NRDE2: variants seen among roughly 807,000 people sequenced by gnomAD.
NRDE2 encodes the protein nuclear exosome regulator NRDE2.
A neutral mutation model predicts 124.2 loss-of-function variants in NRDE2; 76 were observed. The observed-to-expected ratio is 0.61, with a 90% CI of 0.51 to 0.74. The LOEUF is 0.74. Ranked by LOEUF, NRDE2 falls within the 30% of genes least tolerant of loss-of-function variation. NRDE2 has a pLI of 0.00. For synonymous variants in NRDE2, 489 were observed against 528.1 expected (o/e 0.93, Z 1.01); for missense variants, 1,314 against 1,417.3 (o/e 0.93, Z 1.17).
chr14:90,303,966 G>T lies in NRDE2; in HGVS notation c.974C>A (p.Thr325Lys). Residue 325 changes from threonine (T) to lysine (K), a missense_variant, in exon 5 of 14, where the codon ACG (threonine) becomes AAG (lysine). Coordinates refer to ENST00000354366, the MANE Select transcript of NRDE2 (RefSeq NM_017970.4). ...AGCAACAAATGCCATCCACAGCTGC[G>T]TATCCCGAGGATTCTCCCGCACCCT... ...NRRVRENPRD[T>K]QLWMAFVAFQ... 1 of 1,612,842 alleles carries T rather than the reference G, an allele frequency of 6.2e-7. No individual in the cohort carries two copies. The highest frequency in any genetic ancestry group is 1.1e-5 in the South Asian group (1 of 90,994).
At chr14:90,308,248 G>A (rs1017373355) in intron 4 of NRDE2, among the ~76,000 whole-genome samples, 14 of 152,086 alleles carry the variant, frequency 9.2e-5, no homozygotes, top group Non-Finnish European at 1.9e-4. Flanking sequence ...CAGTATATTA[G>A]TCTTAAGGAA....
In NRDE2 at chr14:90,304,387, T is replaced by A; in HGVS notation, c.558-5A>T. 1 of 1,576,872 alleles carries A rather than the reference T, an allele frequency of 6.3e-7. No homozygotes were observed. The highest frequency in any genetic ancestry group is 1.4e-5 in the African/African-American group (1 of 73,188). On this transcript the variant is annotated splice_polypyrimidine_tract_variant and splice_region_variant and intron_variant, in intron 4 of 13. Transcript: ENST00000354366. The stretch of plus-strand genomic sequence containing the variant: ...GAGTCTCCTTTCCTCTTGTATCTGA[T>A]ATTAGAAAAAGAAAAAAAGTTACTG...
At chr14:90,304,406 G>A (rs763486507) in intron 4 of NRDE2, 24 bp from the exon 5 acceptor site, 3 of 1,537,156 alleles carry the variant, frequency 2.0e-6, no homozygotes, top group South Asian at 1.2e-5. Flanking sequence ...AAGAAAAAAA[G>A]TTACTGAGGG....
intron 12 of NRDE2, among the ~76,000 whole-genome samples, chr14:90,286,108 T>C (rs1892094798): frequency 6.6e-6 from 1 of 152,200 alleles, no homozygotes; most frequent in Admixed American, 6.5e-5. Flanking sequence ...CAGTAACTAC[T>C]CAACTTCGTT....
chr14:90,302,740 C>T lies in NRDE2; in HGVS notation c.1391G>A (p.Gly464Asp), dbSNP rs749019994. The stretch of plus-strand genomic sequence containing the variant: ...CTTACCAAACATGGCCTCTTCCGTG[C>T]CAGGCAACGCAGGGTGAGATAAGAT... ...GSILSHPALP[G>D]TEEAMFALFL... The change falls in exon 6 of 14, where the codon GGC (glycine) becomes GAC (aspartate). Residue 464 changes from glycine (G) to aspartate (D), a missense_variant. By Grantham distance (94) the Gly-to-Asp change is moderately conservative (BLOSUM62 -1). Coordinates refer to ENST00000354366, the MANE Select transcript of NRDE2 (RefSeq NM_017970.4). 5 of 1,609,876 alleles carry T rather than the reference C, an allele frequency of 3.1e-6. No homozygotes were observed. Among genetic ancestry groups the T allele is most frequent in the Non-Finnish European group, 4.2e-6 (5 of 1,177,538 alleles).
intron 1 of NRDE2, among the ~76,000 whole-genome samples, chr14:90,323,651 T>G (rs1217647199): frequency 6.6e-6 from 1 of 152,192 alleles, no homozygotes; most frequent in East Asian, 1.9e-4. Context: ...GAGAACTGCA[T>G]TTAAGATGAT....
chr14:90,331,555 G>C (rs184168766), intron 1 of NRDE2, among the ~76,000 whole-genome samples: 15 of 152,302 alleles, frequency 9.8e-5, no homozygotes, highest in African/African-American at 3.6e-4. Flanking sequence ...AGTAACTGAG[G>C]CTCGAAAAGA....
At chr14:90,290,143 G>A (rs1378268172) in intron 10 of NRDE2, 78 bp downstream of exon 10, 61 of 1,472,704 alleles carry the variant, frequency 4.1e-5, no homozygotes, top group Non-Finnish European at 5.3e-5. Context: ...GAGAGCACTC[G>A]GAGGCTTACA....
chr14:90,298,424 ACTG>A, intron 7 of NRDE2, 44 bp from the exon 8 acceptor site: 1 of 1,610,914 alleles, frequency 6.2e-7, no homozygotes, highest in Non-Finnish European at 8.5e-7. Flanking sequence ...CTTGTATAAA[ACTG>A]CTGAGTCAGT....
intron 13 of NRDE2, 66 bp from the exon 14 acceptor site, chr14:90,278,527 G>A: frequency 6.3e-7 from 1 of 1,597,900 alleles, no homozygotes; most frequent in African/African-American, 1.3e-5. Flanking sequence ...AGGAGCTCAG[G>A]AAGCAAGGGC....
chr14:90,279,205 G>A (rs1891887390), intron 12 of NRDE2, 72 bp from the exon 13 acceptor site: 1 of 1,177,716 alleles, frequency 8.5e-7, no homozygotes. Flanking sequence ...AAACGCCCCT[G>A]GATGACGGGC....
At chr14:90,299,667 T>C (rs914203489) in intron 7 of NRDE2, among the ~76,000 whole-genome samples, 2 of 152,164 alleles carry the variant, frequency 1.3e-5, no homozygotes, top group South Asian at 4.1e-4. Flanking sequence ...GGAGGAGTAT[T>C]GCCTCCAGGA....
At chr14:90,287,683 G>C (rs767137558) in intron 11 of NRDE2, among the ~76,000 whole-genome samples, 8 of 152,118 alleles carry the variant, frequency 5.3e-5, no homozygotes, top group Non-Finnish European at 1.2e-4. Flanking sequence ...TGACACTTCT[G>C]TCACTAGGAA....
intron 5 of NRDE2, 143 bp downstream of exon 5, chr14:90,303,792 A>C (rs1884493376): frequency 1.4e-6 from 1 of 729,340 alleles, no homozygotes; most frequent in South Asian, 2.0e-5. Flanking sequence ...GAGCGAGCTC[A>C]GGGCAAAGGC....
At chr14:90,329,018 C>T (rs1885564045) in intron 1 of NRDE2, among the ~76,000 whole-genome samples, 1 of 152,238 alleles carries the variant, frequency 6.6e-6, no homozygotes, top group African/African-American at 2.4e-5. Flanking sequence ...AGAATTAAGG[C>T]TTTTTTCCAT....
chr14:90,307,879 CTGAA>C (rs1394398072), intron 4 of NRDE2, among the ~76,000 whole-genome samples: 2 of 152,182 alleles, frequency 1.3e-5, no homozygotes, highest in African/African-American at 4.8e-5. Flanking sequence ...CTTCAGCCTC[CTGAA>C]TAGCTGGGAC....
intron 1 of NRDE2, among the ~76,000 whole-genome samples, chr14:90,323,664 T>C (rs930489499): frequency 1.3e-5 from 2 of 152,182 alleles, no homozygotes; most frequent in African/African-American, 4.8e-5. Flanking sequence ...AAGATGATTA[T>C]TACAGAGAAC....
chr14:90,278,603 T>A (rs1429385434), intron 13 of NRDE2, 142 bp from the exon 14 acceptor site: 1 of 1,012,844 alleles, frequency 9.9e-7, no homozygotes, highest in Non-Finnish European at 1.4e-6. Flanking sequence ...GCTGAGACTT[T>A]CTTAACTCGG....
intron 1 of NRDE2, among the ~76,000 whole-genome samples, chr14:90,325,762 T>C (rs953710997): frequency 2.0e-5 from 3 of 152,102 alleles, no homozygotes; most frequent in African/African-American, 7.2e-5. Context: ...CCTAAGCTCA[T>C]GTGATCTGCC....
Sources: gnomAD v4.1 joint callset for allele counts (sites outside exome capture counted in the v4.1 genomes callset) on GRCh38, gnomAD v4.1.1 for gene constraint, MANE v1.5 for transcripts, NCBI Gene and HGNC (gene_info 2026-07-23, HGNC 2026-07-21) for gene names.